Variants in PLAGL1 observed in about 807,000 individuals in gnomAD.
PLAGL1 encodes the protein zinc finger protein PLAGL1.
A neutral mutation model predicts 4.6 loss-of-function variants in PLAGL1; 1 was observed. The ratio of observed to expected loss-of-function variants is 0.22; its 90% confidence interval spans 0.08 to 1.03. PLAGL1 has a LOEUF of 1.03. Among genes scored for constraint, PLAGL1 ranks in the 50% least tolerant of loss-of-function variants. The probability of loss-of-function intolerance (pLI) is 0.58; values close to 1 mark genes in which losing one functional copy is unlikely to be tolerated. For synonymous variants in PLAGL1, 240 were observed against 237.8 expected, an observed-to-expected ratio of 1.01 and a Z score of -0.08; for missense variants, 464 against 570.4, an observed-to-expected ratio of 0.81 and a Z score of 1.90.
In PLAGL1 at chr6:144,061,123, G is replaced by A. The variant is rs182154145; in HGVS notation, c.-151+3345C>T. The stretch of plus-strand genomic sequence containing the variant: ...GTACTGGGTGACAGTGTGAGTAGAA[G>A]AGTTGTAACAGACATGCATGATTAC... On this transcript the variant is annotated intron_variant, in intron 1 of 3. Coordinates refer to the PLAGL1 transcript ENST00000437412. The surrounding 1 kb of genome is among the most constrained non-coding windows in gnomAD (Gnocchi z 4.4). Among the ~76,000 whole-genome samples the A allele has an allele frequency of 6.6e-6, 1 of 152,240 alleles. No homozygotes were observed. Among genetic ancestry groups the A allele is most frequent in the African/African-American group, 2.4e-5 (1 of 41,458 alleles).
At chr6:144,023,800 A>G in intron 1 of PLAGL1, among the ~76,000 whole-genome samples, 1 of 113,718 alleles carries the variant, frequency 8.8e-6, no homozygotes, top group Non-Finnish European at 1.7e-5. Context: ...TTTTTGAGAC[A>G]GAGTCTTGTT....
In PLAGL1 at chr6:143,997,165, A is replaced by C. The variant is rs1046275925; in HGVS notation, c.-584+10925T>G. Reference sequence around the variant, plus strand: ...CTTAAAGCGAAAAAGACTAATATCAAGTGCTGATGAAAATGTGCACTCCAA... The same window carrying C: ...CTTAAAGCGAAAAAGACTAATATCACGTGCTGATGAAAATGTGCACTCCAA... On this transcript the variant is annotated intron_variant, in intron 1 of 7. Coordinates refer to ENST00000674357, the MANE Select transcript of PLAGL1 (RefSeq NM_001317162.2). The surrounding 1 kb of genome is among the most constrained non-coding windows in gnomAD (Gnocchi z 4.6). Among the ~76,000 whole-genome samples, 2 of 152,342 alleles carry C rather than the reference A, an allele frequency of 1.3e-5. No homozygotes were observed. The highest frequency in any genetic ancestry group is 1.3e-4 in the Admixed American group (2 of 15,308).
At position 144,040,487 on chromosome 6, in the gene PLAGL1, C is replaced by T. The variant is rs145842540; in HGVS notation, c.-151+23981G>A. 7.7e-3 allele frequency among the ~76,000 whole-genome samples: 1,176 copies of T among 151,968 alleles called. 10 individuals carry two copies. The highest frequency in any genetic ancestry group is 0.026 in the African/African-American group (1,070 of 41,404). ...GAGGTTGTGGTGAGCCAAGATCACA[C>T]CACTACACTCTAGCCTGGGTGACAG... On this transcript the variant is annotated intron_variant, in intron 1 of 3. Coordinates refer to the PLAGL1 transcript ENST00000437412.
rs979493118 is a variant in PLAGL1 at position 143,968,399 on chromosome 6, ACT to A, written c.-472+506_-472+507del. 1 of 151,972 alleles carries A rather than the reference ACT, an allele frequency of 6.6e-6. No homozygotes were observed. Among genetic ancestry groups the A allele is most frequent in the Non-Finnish European group, 1.5e-5 (1 of 68,000 alleles). The allele number at this position is 151,972 out of a possible 1,614,324, so 9.4% of individuals were successfully genotyped here. ...ATGATTTTAGGAGAGTGGTTTAGAG[ACT>A]CTGAATTGTAACATACGTTACATTC... On this transcript the variant is annotated intron_variant, in intron 3 of 7. Transcript: ENST00000674357. The surrounding 1 kb of genome is among the most constrained non-coding windows in gnomAD (Gnocchi z 6.3).
chr6:144,061,970 G>A lies in PLAGL1; in HGVS notation c.-151+2498C>T, dbSNP rs1482381303. Among the ~76,000 whole-genome samples, 5 of 152,126 alleles carry A rather than the reference G, an allele frequency of 3.3e-5. No individual in the cohort carries two copies. Among genetic ancestry groups the A allele is most frequent in the Non-Finnish European group, 7.4e-5 (5 of 68,024 alleles). On this transcript the variant is annotated intron_variant, in intron 1 of 3. Transcript: ENST00000437412. The surrounding 1 kb of genome is among the most constrained non-coding windows in gnomAD (Gnocchi z 4.4). The stretch of plus-strand genomic sequence containing the variant: ...ACTATGAATGTAGGACCCATTTTGA[G>A]CTTTTTCTTTTTTGTTTGTTTTGTT...
intron 7 of PLAGL1, among the ~76,000 whole-genome samples, chr6:143,943,367 T>A (rs1779078809): frequency 6.6e-6 from 1 of 152,076 alleles, no homozygotes; most frequent in South Asian, 2.1e-4. Context: ...TGTTCCTAGT[T>A]CCTATGTTTC....
At chr6:144,012,713 C>T (rs1436475116), upstream of PLAGL1, among the ~76,000 whole-genome samples, 1 of 152,166 alleles carries the variant, frequency 6.6e-6, no homozygotes, top group East Asian at 1.9e-4. The surrounding 1 kb of genome is among the most constrained non-coding windows in gnomAD (Gnocchi z 4.8). Flanking sequence ...GTAGCTGTGA[C>T]ACACTCTTTT....
upstream of PLAGL1, among the ~76,000 whole-genome samples, chr6:144,012,503 C>T (rs576139267): frequency 2.0e-5 from 3 of 152,160 alleles, no homozygotes; most frequent in Non-Finnish European, 2.9e-5. This position sits in a 1 kb window ranked among gnomAD's most constrained non-coding sequence, Gnocchi z 4.8. Context: ...TCCCAAAGTG[C>T]TGGGATTACA....
intron 1 of PLAGL1, among the ~76,000 whole-genome samples, chr6:144,032,889 G>A (rs112964845): frequency 7.9e-4 from 121 of 152,226 alleles, no homozygotes; most frequent in African/African-American, 2.6e-3. Context: ...TATGTTCCAG[G>A]CAATTACTAA....
intron 1 of PLAGL1, among the ~76,000 whole-genome samples, chr6:144,033,234 G>A (rs530577387): frequency 6.6e-6 from 1 of 152,350 alleles, no homozygotes; most frequent in East Asian, 1.9e-4. Context: ...AAAGAATGGT[G>A]AGAGACGATG....
At position 143,948,113 on chromosome 6, in the gene PLAGL1, TAAC is replaced by T; in HGVS notation, c.21_23del (p.Leu8del). 1 of 1,613,858 alleles carries T rather than the reference TAAC, an allele frequency of 6.2e-7. No individual in the cohort carries two copies. On this transcript the variant is annotated inframe_deletion, in exon 7 of 8. Transcript: ENST00000674357. The surrounding 1 kb of genome is among the most constrained non-coding windows in gnomAD (Gnocchi z 6.0). ...CCAGGGTGAGGAACGTCTTGCCACA[TAAC>T]TGGCAGGGGAACGTGGCCATGGGCT...
Position 144,015,400 on chromosome 6 carries a change from A to C in PLAGL1, c.-150-46422T>G, listed in dbSNP as rs1306267873. ...AGAGACTGGCTGGACAGGACACAAG[A>C]AGCAATGACCCTAAAAGAATAAACT... On this transcript the variant is annotated intron_variant, in intron 1 of 3. Coordinates refer to the PLAGL1 transcript ENST00000437412. This position sits in a 1 kb window ranked among gnomAD's most constrained non-coding sequence, Gnocchi z 4.3. Among the ~76,000 whole-genome samples, 1 of 152,216 alleles carries C rather than the reference A, an allele frequency of 6.6e-6. No homozygotes were observed. Among genetic ancestry groups the C allele is most frequent in the Non-Finnish European group, 1.5e-5 (1 of 68,036 alleles).
chr6:144,034,146 G>A lies in PLAGL1; in HGVS notation c.-151+30322C>T, dbSNP rs921892316. On this transcript the variant is annotated intron_variant, in intron 1 of 3. Transcript: ENST00000437412. The surrounding 1 kb of genome is among the most constrained non-coding windows in gnomAD (Gnocchi z 4.7). The stretch of plus-strand genomic sequence containing the variant: ...CATGCAGGGCTGAAAAGAATGACCT[G>A]TGTTTACATGTAAAACCACGTTGTT... 1.8e-4 allele frequency among the ~76,000 whole-genome samples: 28 copies of A among 152,308 alleles called. 1 individual carries two copies. In the Middle Eastern group the frequency reaches 0.017, roughly 93 times the overall value.
chr6:144,030,756 T>C (rs1796759562), intron 1 of PLAGL1, among the ~76,000 whole-genome samples: 1 of 152,230 alleles, frequency 6.6e-6, no homozygotes, highest in Non-Finnish European at 1.5e-5. Flanking sequence ...CTGATGGGCA[T>C]TTGGGCTGGT....
chr6:144,026,910 C>T (rs1796382641), intron 1 of PLAGL1, among the ~76,000 whole-genome samples: 1 of 152,058 alleles, frequency 6.6e-6, no homozygotes, highest in African/African-American at 2.4e-5. Context: ...ATCAATAAAA[C>T]CTAGTATTAG....
chr6:143,981,180 T>C (rs2128606567), intron 2 of PLAGL1, among the ~76,000 whole-genome samples: 1 of 145,014 alleles, frequency 6.9e-6, no homozygotes, highest in East Asian at 2.1e-4. Context: ...TTTTGCCTCA[T>C]CGCTGAAGCA....
At chr6:143,988,559 T>A (rs1789714641) in intron 1 of PLAGL1, among the ~76,000 whole-genome samples, 2 of 152,348 alleles carry the variant, frequency 1.3e-5, no homozygotes, top group African/African-American at 4.8e-5. Flanking sequence ...ATATCCTTTA[T>A]TGTTTTACAT....
chr6:144,030,046 G>A (rs956495969), intron 1 of PLAGL1, among the ~76,000 whole-genome samples: 2 of 152,046 alleles, frequency 1.3e-5, no homozygotes, highest in Non-Finnish European at 2.9e-5. Flanking sequence ...GAGGTCAGGA[G>A]ATCGAGACCA....
rs1554277656 is a variant in PLAGL1, at chr6:144,027,223, C to CAAAGAACGAACGAAAG, written c.-151+37229_-151+37244dup. 3.4e-3 allele frequency among the ~76,000 whole-genome samples: 329 copies of CAAAGAACGAACGAAAG among 96,648 alleles called. 3 individuals are homozygous for CAAAGAACGAACGAAAG. Among genetic ancestry groups the CAAAGAACGAACGAAAG allele is most frequent in the South Asian group, 7.7e-3 (27 of 3,486 alleles). The allele number at this position is 96,648 out of a possible 152,430, so 63.4% of individuals were successfully genotyped here. A position where few individuals can be genotyped will look rare whatever the true frequency, so the allele number is the denominator to read the frequency against. Reference sequence around the variant, plus strand: ...TGGGTGACAGAGAAAGACCCCAACTCAAAGAACGAACGAAAGAAAGAAAGA... The same window carrying CAAAGAACGAACGAAAG: ...TGGGTGACAGAGAAAGACCCCAACTCAAAGAACGAACGAAAGAAAGAACGAACGAAAGAAAGAAAGA... On this transcript the variant is annotated intron_variant, in intron 1 of 3. Coordinates refer to the PLAGL1 transcript ENST00000437412. This position sits in a 1 kb window ranked among gnomAD's most constrained non-coding sequence, Gnocchi z 5.8.
Sources: allele counts gnomAD v4.1 joint callset (sites outside exome capture counted in the v4.1 genomes callset), GRCh38; gene constraint gnomAD v4.1.1; non-coding constraint Gnocchi (gnomAD v3.1); transcripts MANE v1.5; gene names NCBI Gene and HGNC (gene_info 2026-07-23, HGNC 2026-07-21).